The following PEX5L variants were observed in gnomAD, a reference collection of about 807,000 sequenced individuals.
The protein encoded by PEX5L is peroxisomal biogenesis factor 5 like.
In PEX5L, 30 loss-of-function variants were observed where a neutral mutation model predicts 84.0. The observed-to-expected ratio is 0.36, with a 90% CI of 0.27 to 0.48. The LOEUF is 0.48. Ranked by LOEUF, PEX5L falls within the 20% of genes least tolerant of loss-of-function variation. The probability of loss-of-function intolerance (pLI) is 0.99; values close to 1 mark genes in which losing one functional copy is unlikely to be tolerated. For missense variants in PEX5L, 533 were observed against 754.6 expected, an observed-to-expected ratio of 0.71 and a Z score of 3.44; for synonymous variants, 270 against 283.1, an observed-to-expected ratio of 0.95 and a Z score of 0.46.
chr3:179,835,362 C>CTTT (rs143213645), intron 8 of PEX5L, among the ~76,000 whole-genome samples: 1 of 145,994 alleles, frequency 6.8e-6, no homozygotes, highest in Non-Finnish European at 1.5e-5. Context: ...ATTGTTGTTG[C>CTTT]TTTTTTTTTT....
chr3:179,885,663 CG>C (rs1441934668), intron 4 of PEX5L, among the ~76,000 whole-genome samples: 1 of 149,754 alleles, frequency 6.7e-6, no homozygotes, highest in East Asian at 2.0e-4. Flanking sequence ...AAAAAAAAAG[CG>C]GGGGGTGGAA....
chr3:179,809,783 T>C, intron 11 of PEX5L, 115 bp from the exon 12 acceptor site: 5 of 707,246 alleles, frequency 7.1e-6, no homozygotes, highest in Non-Finnish European at 1.2e-5. Flanking sequence ...TTGGTAAGCT[T>C]GCTTATGTCA....
At chr3:179,817,414 A>T (rs1490478526) in intron 9 of PEX5L, among the ~76,000 whole-genome samples, 1 of 152,204 alleles carries the variant, frequency 6.6e-6, no homozygotes, top group Non-Finnish European at 1.5e-5. Flanking sequence ...CTATTGATGA[A>T]CATTCAGGTT....
chr3:179,839,507 A>G (rs1430221980), intron 8 of PEX5L, among the ~76,000 whole-genome samples: 1 of 152,228 alleles, frequency 6.6e-6, no homozygotes, highest in Non-Finnish European at 1.5e-5. Context: ...ATTGAGCGCT[A>G]GATTATTAAA....
intron 1 of PEX5L, among the ~76,000 whole-genome samples, chr3:179,992,551 A>G (rs1030960106): frequency 3.3e-5 from 5 of 152,238 alleles, no homozygotes; most frequent in Admixed American, 2.0e-4. Flanking sequence ...TTTTTTAAAC[A>G]CTGAATTTTA....
intron 2 of PEX5L, among the ~76,000 whole-genome samples, chr3:179,898,924 C>T (rs1194232344): frequency 6.6e-6 from 1 of 151,886 alleles, no homozygotes; most frequent in Non-Finnish European, 1.5e-5. Context: ...TAAATACAGA[C>T]ATAAAGGATA....
At chr3:179,937,458 C>T (rs1774914339) in intron 2 of PEX5L, among the ~76,000 whole-genome samples, 1 of 152,166 alleles carries the variant, frequency 6.6e-6, no homozygotes, top group Non-Finnish European at 1.5e-5. Context: ...CTGAGAAGCA[C>T]TGGACATTTT....
intron 2 of PEX5L, among the ~76,000 whole-genome samples, chr3:179,947,245 T>C (rs1006159250): frequency 6.6e-6 from 1 of 152,180 alleles, no homozygotes; most frequent in African/African-American, 2.4e-5. Flanking sequence ...TGTAATTAGA[T>C]TCTGAAACTT....
chr3:179,808,238 C>T lies in PEX5L; in HGVS notation c.1518+34G>A, dbSNP rs190962203. ...GTGAAAACTTATTTGTTACAGAGAA[C>T]GCTGTGGTTTCTTGCTGTGCTGTGC... is the stretch of plus-strand genomic sequence containing the variant. On this transcript the variant is annotated intron_variant, in intron 13 of 14. Coordinates refer to ENST00000467460, the MANE Select transcript of PEX5L (RefSeq NM_016559.3). 10,965 of 1,498,532 alleles carry T rather than the reference C, an allele frequency of 7.3e-3. 49 individuals carry two copies. Among genetic ancestry groups the T allele is most frequent in the Non-Finnish European group, 8.5e-3 (9,517 of 1,121,706 alleles). The allele number at this position is 1,498,532 out of a possible 1,614,324, so 92.8% of individuals were successfully genotyped here. A position where few individuals can be genotyped will look rare whatever the true frequency, so the allele number is the denominator to read the frequency against.
intron 3 of PEX5L, among the ~76,000 whole-genome samples, chr3:179,895,834 T>C (rs949059076): frequency 1.3e-5 from 2 of 152,172 alleles, no homozygotes; most frequent in Non-Finnish European, 2.9e-5. Flanking sequence ...TGTATCGTAA[T>C]TATCCCAATG....
chr3:180,001,954 T>G (rs1788460060), intron 1 of PEX5L, among the ~76,000 whole-genome samples: 1 of 152,202 alleles, frequency 6.6e-6, no homozygotes, highest in Non-Finnish European at 1.5e-5. Flanking sequence ...AGACGTTAGC[T>G]GGGGTTGTCG....
chr3:179,839,912 A>G (rs1027175047), intron 8 of PEX5L, among the ~76,000 whole-genome samples: 1 of 152,186 alleles, frequency 6.6e-6, no homozygotes, highest in Admixed American at 6.5e-5. Context: ...AACACCTCTC[A>G]AAGAAGGTAA....
Position 179,856,444 on chromosome 3 carries a change from T to C in PEX5L, c.822+2618A>G, listed in dbSNP as rs753419289. Among the ~76,000 whole-genome samples, 70 of 152,232 alleles carry C rather than the reference T, an allele frequency of 4.6e-4. 1 individual carries two copies. The highest frequency in any genetic ancestry group is 1.5e-4 in the Non-Finnish European group (10 of 68,052). On this transcript the variant is annotated intron_variant, in intron 8 of 14. Transcript: ENST00000467460. ...CTTTTTCCAAATTTTCACTATTCAATGAAATTCTACAGATAAAATATTGCA... is the reference window on the plus strand; with the variant it reads ...CTTTTTCCAAATTTTCACTATTCAACGAAATTCTACAGATAAAATATTGCA...
chr3:179,962,536 C>T (rs1782335717), intron 2 of PEX5L, among the ~76,000 whole-genome samples: 1 of 152,214 alleles, frequency 6.6e-6, no homozygotes, highest in South Asian at 2.1e-4. Context: ...CATACACACT[C>T]CTTCCCCTAT....
intron 1 of PEX5L, among the ~76,000 whole-genome samples, chr3:179,982,403 C>T (rs1786417522): frequency 6.6e-6 from 1 of 152,178 alleles, no homozygotes; most frequent in African/African-American, 2.4e-5. Context: ...TGACTACTGA[C>T]GATCTTCTTC....
Position 179,797,608 on chromosome 3 carries a change from ATATAT to A in PEX5L, c.*4215_*4219del, listed in dbSNP as rs1560112326. On this transcript the variant is annotated 3_prime_UTR_variant, in exon 15 of 15. Transcript: ENST00000467460. ...ACTCTTTAAAAAAAAAAAAAAAAAT[ATATAT>A]ATATATATATATATATATCTACTTC... 1.7e-4 allele frequency: 9 copies of A among 53,960 alleles called. No individual in the cohort carries two copies. Among genetic ancestry groups the A allele is most frequent in the African/African-American group, 6.2e-4 (9 of 14,440 alleles). The allele number at this position is 53,960 out of a possible 1,614,324, so 3.3% of individuals were successfully genotyped here.
intron 8 of PEX5L, among the ~76,000 whole-genome samples, chr3:179,858,353 G>T (rs1039818074): frequency 2.0e-5 from 3 of 151,922 alleles, no homozygotes; most frequent in Non-Finnish European, 4.4e-5. Flanking sequence ...ACCCGGGAAG[G>T]AAATGCATTA....
intron 1 of PEX5L, among the ~76,000 whole-genome samples, chr3:179,988,961 T>C (rs1240421797): frequency 1.3e-5 from 2 of 152,216 alleles, no homozygotes; most frequent in Non-Finnish European, 2.9e-5. Context: ...ATTATCAAGA[T>C]AAAACTTCAA....
intron 2 of PEX5L, among the ~76,000 whole-genome samples, chr3:179,925,964 T>C (rs2109509792): frequency 6.6e-6 from 1 of 152,314 alleles, no homozygotes; most frequent in African/African-American, 2.4e-5. Flanking sequence ...ACTCCACACA[T>C]GGCTTTACTC....
Sources: gnomAD v4.1 joint callset for allele counts (sites outside exome capture counted in the v4.1 genomes callset) on GRCh38, gnomAD v4.1.1 for gene constraint, MANE v1.5 for transcripts, NCBI Gene and HGNC (gene_info 2026-07-23, HGNC 2026-07-21) for gene names.